The following CACNG2 variants were observed in gnomAD, a reference collection of about 807,000 sequenced individuals.
CACNG2 encodes the protein calcium voltage-gated channel auxiliary subunit gamma 2, also known as voltage-dependent calcium channel gamma-2 subunit.
CACNG2 carries 3 observed loss-of-function variants against 25.9 expected under a neutral mutation model. That is an observed-to-expected ratio of 0.12 (90% CI 0.05 to 0.30). The LOEUF is 0.30. Among genes scored for constraint, CACNG2 ranks in the 10% least tolerant of loss-of-function variants. The probability of loss-of-function intolerance (pLI) is 1.00; values close to 1 mark genes in which losing one functional copy is unlikely to be tolerated. For synonymous variants in CACNG2, 167 were observed against 173.3 expected (o/e 0.96, Z 0.29); for missense variants, 341 against 432.5 (o/e 0.79, Z 1.88).
chr22:36,693,292 C>T (rs988955902), intron 1 of CACNG2, among the ~76,000 whole-genome samples: 1 of 152,202 alleles, frequency 6.6e-6, no homozygotes, highest in African/African-American at 2.4e-5. Flanking sequence ...TGTGTTCAGT[C>T]ATGCTTGTTA....
At chr22:36,619,529 G>T (rs1193646012) in intron 1 of CACNG2, among the ~76,000 whole-genome samples, 2 of 152,172 alleles carry the variant, frequency 1.3e-5, no homozygotes. Flanking sequence ...GACTCTGTTT[G>T]TCTGCTAATG....
intron 2 of CACNG2, among the ~76,000 whole-genome samples, chr22:36,575,023 T>C (rs1178406940): frequency 6.6e-6 from 1 of 152,186 alleles, no homozygotes; most frequent in South Asian, 2.1e-4. Flanking sequence ...GGCCTGAGGC[T>C]TGGGGAGCCC....
intron 1 of CACNG2, among the ~76,000 whole-genome samples, chr22:36,673,499 T>C (rs1009175475): frequency 6.6e-6 from 1 of 152,146 alleles, no homozygotes; most frequent in Admixed American, 6.5e-5. Flanking sequence ...TTATGAATTC[T>C]TAAATGTTGT....
rs1937438295 is a variant in CACNG2 at position 36,703,358 on chromosome 22, GGA to G, written c.-784_-783del. 1 of 153,080 alleles carries G rather than the reference GGA, an allele frequency of 6.5e-6. No individual in the cohort carries two copies. The highest frequency in any genetic ancestry group is 1.8e-4 in the South Asian group (1 of 5,646). 9.5% of individuals were successfully genotyped at this position (153,080 alleles called of 1,614,324 possible). On this transcript the variant is annotated 5_prime_UTR_variant, in exon 1 of 4. Transcript: ENST00000300105. ...GCGGGGGTAGTGTTGGCGAAGTGGG[GGA>G]GAGAGGGGGTTTCTCCTGGAGAATC...
chr22:36,655,749 C>CCTTTCTTCCTTTCTTT (rs1569042530), intron 1 of CACNG2, among the ~76,000 whole-genome samples: 6 of 144,762 alleles, frequency 4.1e-5, no homozygotes, highest in African/African-American at 1.6e-4. Context: ...TTCCTTTCTT[C>CCTTTCTTCCTTTCTTT]CTTTCTTTCT....
At chr22:36,665,698 T>A (rs1354849528) in intron 1 of CACNG2, among the ~76,000 whole-genome samples, 1 of 152,132 alleles carries the variant, frequency 6.6e-6, no homozygotes, top group Admixed American at 6.5e-5. Flanking sequence ...GGATGGTAAC[T>A]ATCAAAGCAA....
At chr22:36,661,674 G>A (rs1436966272) in intron 1 of CACNG2, among the ~76,000 whole-genome samples, 1 of 152,198 alleles carries the variant, frequency 6.6e-6, no homozygotes, top group Non-Finnish European at 1.5e-5. Context: ...AAATGAAAGG[G>A]TAACCGAGAC....
chr22:36,670,590 GCTAC>G (rs538369720), intron 1 of CACNG2, among the ~76,000 whole-genome samples: 1 of 151,954 alleles, frequency 6.6e-6, no homozygotes, highest in South Asian at 2.1e-4. Context: ...CTCTGGTAGG[GCTAC>G]CTGTTTTTTG....
intron 2 of CACNG2, among the ~76,000 whole-genome samples, chr22:36,579,329 A>T (rs1206231844): frequency 7.3e-6 from 1 of 137,562 alleles, no homozygotes; most frequent in Non-Finnish European, 1.5e-5. Context: ...ACTTGAACCC[A>T]GGAGGTGGAG....
At chr22:36,611,614 C>A (rs1935941192) in intron 1 of CACNG2, among the ~76,000 whole-genome samples, 2 of 152,142 alleles carry the variant, frequency 1.3e-5, no homozygotes, top group South Asian at 4.2e-4. Flanking sequence ...TCCAAGCACC[C>A]CGAAATGCCC....
chr22:36,632,371 TC>T (rs1936285096), intron 1 of CACNG2, among the ~76,000 whole-genome samples: 1 of 151,632 alleles, frequency 6.6e-6, no homozygotes, highest in African/African-American at 2.4e-5. Flanking sequence ...CAACTGACCT[TC>T]CCCCTGCCAT....
At chr22:36,662,389 T>C (rs913474127) in intron 1 of CACNG2, among the ~76,000 whole-genome samples, 2 of 152,194 alleles carry the variant, frequency 1.3e-5, no homozygotes, top group Admixed American at 1.3e-4. Context: ...TGCCAGTTCA[T>C]TCACTCCTTC....
chr22:36,567,587 T>C (rs1201513096), intron 2 of CACNG2, among the ~76,000 whole-genome samples: 1 of 77,684 alleles, frequency 1.3e-5, no homozygotes, highest in African/African-American at 5.3e-5. Context: ...CAGTTGGGGG[T>C]GGATGGGGGA....
intron 2 of CACNG2, among the ~76,000 whole-genome samples, chr22:36,582,447 C>G (rs1430950612): frequency 6.8e-6 from 1 of 147,288 alleles, no homozygotes; most frequent in African/African-American, 2.5e-5. Context: ...CTCTTGTTGT[C>G]CAGGCTGGAG....
At chr22:36,641,450 T>C (rs1197466929) in intron 1 of CACNG2, among the ~76,000 whole-genome samples, 1 of 152,218 alleles carries the variant, frequency 6.6e-6, no homozygotes, top group Non-Finnish European at 1.5e-5. Context: ...AAATTTTAAT[T>C]CCCTTGTTAT....
rs114392008 is a variant in CACNG2 at position 36,690,881 on chromosome 22, C to T, written c.211+11485G>A. Among the ~76,000 whole-genome samples, 602 of 152,306 alleles carry T rather than the reference C, an allele frequency of 4.0e-3. 4 individuals are homozygous for T. Among genetic ancestry groups the T allele is most frequent in the African/African-American group, 0.014 (580 of 41,566 alleles). On this transcript the variant is annotated intron_variant, in intron 1 of 3. Coordinates refer to ENST00000300105, the MANE Select transcript of CACNG2 (RefSeq NM_006078.5). ...TTCTATATTCACTCACTCATTCATTCAACAAACATTGAGCAATCTCACCGT... is the reference window on the plus strand; with the variant it reads ...TTCTATATTCACTCACTCATTCATTTAACAAACATTGAGCAATCTCACCGT...
intron 1 of CACNG2, among the ~76,000 whole-genome samples, chr22:36,695,268 C>T (rs1406038138): frequency 1.3e-5 from 2 of 152,060 alleles, no homozygotes; most frequent in Non-Finnish European, 2.9e-5. Context: ...CTGCTCTAAT[C>T]CTTACAACAA....
intron 1 of CACNG2, among the ~76,000 whole-genome samples, chr22:36,653,681 T>G (rs557800682): frequency 6.6e-6 from 1 of 152,072 alleles, no homozygotes; most frequent in East Asian, 1.9e-4. Flanking sequence ...AGGCCACAGG[T>G]GTCTGCAGAC....
chr22:36,576,517 A>C (rs1935314908), intron 2 of CACNG2, among the ~76,000 whole-genome samples: 1 of 147,660 alleles, frequency 6.8e-6, no homozygotes, highest in Non-Finnish European at 1.5e-5. Context: ...GTTCCCCAAC[A>C]ACCTCTGGAA....
Sources: allele counts gnomAD v4.1 joint callset (sites outside exome capture counted in the v4.1 genomes callset), GRCh38; gene constraint gnomAD v4.1.1; transcripts MANE v1.5; gene names NCBI Gene and HGNC (gene_info 2026-07-23, HGNC 2026-07-21).